Variants in EIF4E3 observed in about 807,000 individuals in gnomAD.
EIF4E3 encodes eukaryotic translation initiation factor 4E family member 3.
EIF4E3 carries 26 observed loss-of-function variants against 31.7 expected under a neutral mutation model. The observed-to-expected ratio is 0.82, with a 90% CI of 0.60 to 1.14. EIF4E3 has a LOEUF of 1.14. Among genes scored for constraint, EIF4E3 ranks in the 50% most tolerant of loss-of-function variants. EIF4E3 has a pLI of 0.00. For synonymous variants in EIF4E3, 128 were observed against 107.7 expected (o/e 1.19, Z -1.17); for missense variants, 304 against 270.9 (o/e 1.12, Z -0.86).
Position 71,710,498 on chromosome 3 carries a change from A to C in EIF4E3, c.177-14T>G. Reference sequence around the variant, plus strand: ...CCAGGGAGGGATCTAGGCAAGCAGGAGCAGGACAAAGACACAAACAAAACA... The same window carrying C: ...CCAGGGAGGGATCTAGGCAAGCAGGCGCAGGACAAAGACACAAACAAAACA... On this transcript the variant is annotated splice_polypyrimidine_tract_variant and intron_variant, in intron 1 of 6. Coordinates refer to ENST00000425534, the MANE Select transcript of EIF4E3 (RefSeq NM_001134651.2). 6.4e-7 allele frequency: 1 copy of C among 1,551,928 alleles called. No homozygotes were observed. Among genetic ancestry groups the C allele is most frequent in the East Asian group, 2.4e-5 (1 of 40,914 alleles).
chr3:71,684,501 C>A lies in EIF4E3; in HGVS notation c.*181G>T. ...AAGCAAGTAATGTGACGGTAGAAAC[C>A]CACACAATCTCCCCCCACCCCACCT... On this transcript the variant is annotated 3_prime_UTR_variant, in exon 7 of 7. Coordinates refer to ENST00000425534, the MANE Select transcript of EIF4E3 (RefSeq NM_001134651.2). 1 of 500,204 alleles carries A rather than the reference C, an allele frequency of 2.0e-6. No individual in the cohort carries two copies. Among genetic ancestry groups the A allele is most frequent in the Non-Finnish European group, 3.4e-6 (1 of 295,884 alleles). The allele number at this position is 500,204 out of a possible 1,614,324, so 31.0% of individuals were successfully genotyped here. A position where few individuals can be genotyped will look rare whatever the true frequency, so the allele number is the denominator to read the frequency against.
chr3:71,673,178 G>A (rs979896362), downstream of EIF4E3, among the ~76,000 whole-genome samples: 3 of 152,136 alleles, frequency 2.0e-5, no homozygotes, highest in African/African-American at 7.2e-5. Context: ...TTTAATCCTA[G>A]ACTTAGTGTC....
At chr3:71,753,626 C>G (rs184409317), upstream of EIF4E3, 23,122 of 146,886 alleles carry the variant, frequency 0.16, 1,899 homozygotes, top group East Asian at 0.33. Context: ...GCTGCGCGCT[C>G]CGGCGGAGGG....
At chr3:71,729,863 G>GGCGGAA (rs1192404660), upstream of EIF4E3, among the ~76,000 whole-genome samples, 1 of 138,958 alleles carries the variant, frequency 7.2e-6, no homozygotes, top group Non-Finnish European at 1.5e-5. Context: ...TTGAATGGGT[G>GGCGGAA]GCGGAACTCA....
chr3:71,754,224 G>C (rs780525600), upstream of EIF4E3: 1 of 1,371,102 alleles, frequency 7.3e-7, no homozygotes. The surrounding 1 kb of genome is among the most constrained non-coding windows in gnomAD (Gnocchi z 5.8). Flanking sequence ...CCTGCTGCTC[G>C]ACCTGTGCCT....
In EIF4E3 at chr3:71,710,483, A is replaced by T. The variant is rs1308871766; in HGVS notation, c.178T>A (p.Ser60Thr). ...TCAGCTGCTGTGGCACCAGGGAGGG[A>T]TCTAGGCAAGCAGGAGCAGGACAAA... is the stretch of plus-strand genomic sequence containing the variant. ...HSSWTFWLDRSLPGATAAECA... is the reference protein window; with the variant it reads ...HSSWTFWLDRTLPGATAAECA... The change falls in exon 2 of 7, where the codon TCC becomes ACC. Residue 60 changes from serine (S) to threonine (T), a missense_variant and splice_region_variant. Ser to Thr is a moderately conservative substitution (Grantham distance 58). Coordinates refer to ENST00000425534, the MANE Select transcript of EIF4E3 (RefSeq NM_001134651.2). 4 of 1,552,020 alleles carry T rather than the reference A, an allele frequency of 2.6e-6. No individual in the cohort carries two copies. Among genetic ancestry groups the T allele is most frequent in the Non-Finnish European group, 2.6e-6 (3 of 1,147,108 alleles).
At chr3:71,713,609 G>C (rs1275810040) in intron 1 of EIF4E3, among the ~76,000 whole-genome samples, 1 of 151,848 alleles carries the variant, frequency 6.6e-6, no homozygotes, top group East Asian at 1.9e-4. Flanking sequence ...GCTAATTTTT[G>C]TATTTTTTGT....
At chr3:71,669,924 A>G in the EIF4E3 span, among the ~76,000 whole-genome samples, 2 of 152,244 alleles carry the variant, frequency 1.3e-5, no homozygotes, top group Non-Finnish European at 2.9e-5. Flanking sequence ...CCTGGAGACT[A>G]TAATTCTGCT....
chr3:71,660,874 C>T, the EIF4E3 span, among the ~76,000 whole-genome samples: 8 of 152,240 alleles, frequency 5.3e-5, no homozygotes, highest in East Asian at 7.7e-4. Context: ...AGGCCTGACA[C>T]GGGGCAGGCT....
chr3:71,662,241 C>T, the EIF4E3 span, among the ~76,000 whole-genome samples: 1 of 152,180 alleles, frequency 6.6e-6, no homozygotes, highest in Non-Finnish European at 1.5e-5. Context: ...AAAGAAGCGT[C>T]TCTTAGCTGG....
chr3:71,673,148 G>A (rs1431794472), downstream of EIF4E3, among the ~76,000 whole-genome samples: 1 of 152,078 alleles, frequency 6.6e-6, no homozygotes, highest in Non-Finnish European at 1.5e-5. Context: ...AATGCATAAG[G>A]TAGTGGCCGC....
At chr3:71,698,733 G>C (rs902250053) in intron 3 of EIF4E3, among the ~76,000 whole-genome samples, 1 of 152,208 alleles carries the variant, frequency 6.6e-6, no homozygotes, top group Non-Finnish European at 1.5e-5. Flanking sequence ...CTTACAGGGT[G>C]TAAGACCAGA....
At chr3:71,750,037 C>A (rs1167056856) in intron 1 of EIF4E3, among the ~76,000 whole-genome samples, 1 of 152,122 alleles carries the variant, frequency 6.6e-6, no homozygotes. Flanking sequence ...GCTATTTGAG[C>A]CTGGGAAAAT....
chr3:71,662,818 T>C, the EIF4E3 span, among the ~76,000 whole-genome samples: 1 of 152,000 alleles, frequency 6.6e-6, no homozygotes, highest in African/African-American at 2.4e-5. Context: ...GATTTCCCTT[T>C]AGCAAACACA....
intron 1 of EIF4E3, among the ~76,000 whole-genome samples, chr3:71,715,256 C>T (rs937155148): frequency 6.6e-6 from 1 of 152,206 alleles, no homozygotes; most frequent in Non-Finnish European, 1.5e-5. Flanking sequence ...TGCAAAGAAA[C>T]CCTCCTGGCA....
intron 2 of EIF4E3, among the ~76,000 whole-genome samples, chr3:71,705,914 C>T (rs1219097131): frequency 6.6e-6 from 1 of 152,152 alleles, no homozygotes; most frequent in Non-Finnish European, 1.5e-5. Context: ...AGGCATGAGC[C>T]AATGCACCCG....
At chr3:71,668,239 A>G in the EIF4E3 span, among the ~76,000 whole-genome samples, 35 of 152,202 alleles carry the variant, frequency 2.3e-4, no homozygotes, top group African/African-American at 7.7e-4. Context: ...CTTACACCTT[A>G]TACAAAAATT....
rs1170101904 is a variant in EIF4E3, at chr3:71,677,867, AAAGAGCAACG to A, written c.*6805_*6814del. 41 of 152,222 alleles carry A rather than the reference AAAGAGCAACG, an allele frequency of 2.7e-4. No individual in the cohort carries two copies. The highest frequency in any genetic ancestry group is 9.9e-4 in the African/African-American group (41 of 41,462). The allele number at this position is 152,222 out of a possible 1,614,324, so 9.4% of individuals were successfully genotyped here. On this transcript the variant is annotated 3_prime_UTR_variant, in exon 7 of 7. Transcript: ENST00000425534. ...AATCTCACCAGCAAATTGCAGCACA[AAAGAGCAACG>A]AGAGTAATTGACTTATTCTAAAACG... is the stretch of plus-strand genomic sequence containing the variant.
At chr3:71,672,294 T>C (rs2048850597), downstream of EIF4E3, among the ~76,000 whole-genome samples, 1 of 152,170 alleles carries the variant, frequency 6.6e-6, no homozygotes, top group Non-Finnish European at 1.5e-5. Context: ...ACATTTCAGA[T>C]TCATAATATA....
Sources: gnomAD v4.1 joint callset for allele counts (sites outside exome capture counted in the v4.1 genomes callset) on GRCh38, gnomAD v4.1.1 for gene constraint, Gnocchi (gnomAD v3.1) non-coding constraint, MANE v1.5 for transcripts, NCBI Gene and HGNC (gene_info 2026-07-23, HGNC 2026-07-21) for gene names.